The following LHFPL2 variants were observed in gnomAD, a reference collection of about 807,000 sequenced individuals.
LHFPL2 encodes LHFPL tetraspan subfamily member 2, also known as LHFPL tetraspan subfamily member 2 protein.
In LHFPL2, 7 loss-of-function variants were observed where a neutral mutation model predicts 17.5. That is an observed-to-expected ratio of 0.40 (90% CI 0.23 to 0.75). LHFPL2 has a LOEUF of 0.75. Ranked by LOEUF, LHFPL2 falls within the 30% of genes least tolerant of loss-of-function variation. The pLI is 0.37. For missense variants in LHFPL2, 241 were observed against 294.8 expected (o/e 0.82, Z 1.34); for synonymous variants, 134 against 116.2 (o/e 1.15, Z -0.99).
chr5:78,578,194 T>C (rs1182934092), intron 2 of LHFPL2, among the ~76,000 whole-genome samples: 1 of 152,222 alleles, frequency 6.6e-6, no homozygotes, highest in African/African-American at 2.4e-5. Flanking sequence ...TGTACTTCAC[T>C]TGCTTAGAGG....
chr5:78,501,330 C>T (rs1754766133), intron 4 of LHFPL2, among the ~76,000 whole-genome samples: 1 of 152,168 alleles, frequency 6.6e-6, no homozygotes, highest in Admixed American at 6.5e-5. Context: ...ACCACACTTA[C>T]TAAACTTCCT....
intron 2 of LHFPL2, among the ~76,000 whole-genome samples, chr5:78,581,161 T>C (rs1323106573): frequency 6.6e-6 from 1 of 152,220 alleles, no homozygotes; most frequent in Non-Finnish European, 1.5e-5. Context: ...CTGTTGTTGG[T>C]GTATAAGAAT....
intron 3 of LHFPL2, among the ~76,000 whole-genome samples, chr5:78,520,621 T>C (rs777937167): frequency 2.9e-4 from 44 of 152,258 alleles, no homozygotes; most frequent in Non-Finnish European, 5.0e-4. Context: ...CCGTGGCTGA[T>C]GGAGAGCTGA....
At chr5:78,489,302 C>G (rs1754359824) in intron 4 of LHFPL2, 149 bp from the exon 5 acceptor site, 1 of 780,360 alleles carries the variant, frequency 1.3e-6, no homozygotes, top group Non-Finnish European at 2.0e-6. Flanking sequence ...GCAAACTAAT[C>G]TGACCTGATC....
intron 3 of LHFPL2, among the ~76,000 whole-genome samples, chr5:78,524,812 T>C (rs1755570173): frequency 6.6e-6 from 1 of 152,190 alleles, no homozygotes; most frequent in South Asian, 2.1e-4. Flanking sequence ...CATGAAATGT[T>C]TTCTCTTTGG....
At chr5:78,560,563 T>C (rs886406401) in intron 3 of LHFPL2, among the ~76,000 whole-genome samples, 1 of 152,186 alleles carries the variant, frequency 6.6e-6, no homozygotes, top group Non-Finnish European at 1.5e-5. Flanking sequence ...ACTGGTTTCA[T>C]ATCCTAGGGA....
At chr5:78,539,631 A>C (rs1256043490) in intron 3 of LHFPL2, among the ~76,000 whole-genome samples, 4 of 151,780 alleles carry the variant, frequency 2.6e-5, no homozygotes, top group Admixed American at 2.6e-4. Flanking sequence ...GGACTTCCAA[A>C]CCCCCCACAC....
intron 3 of LHFPL2, among the ~76,000 whole-genome samples, chr5:78,555,675 G>A (rs1041728578): frequency 2.0e-5 from 3 of 152,238 alleles, no homozygotes; most frequent in Admixed American, 6.5e-5. Flanking sequence ...GGACACCAGG[G>A]GAAGACCCCA....
chr5:78,494,586 A>G, intron 4 of LHFPL2: 1 of 846,846 alleles, frequency 1.2e-6, no homozygotes, highest in South Asian at 5.4e-5. Flanking sequence ...GGACTGCCCA[A>G]CAGGTGCCAC....
At chr5:78,540,454 G>A (rs1381112974) in intron 3 of LHFPL2, among the ~76,000 whole-genome samples, 1 of 152,180 alleles carries the variant, frequency 6.6e-6, no homozygotes, top group East Asian at 1.9e-4. Flanking sequence ...GTCACTGATT[G>A]CAACAGGCCT....
At chr5:78,578,928 C>T (rs191269311) in intron 2 of LHFPL2, among the ~76,000 whole-genome samples, 40 of 152,290 alleles carry the variant, frequency 2.6e-4, no homozygotes, top group African/African-American at 8.7e-4. Flanking sequence ...AGACGCCAAC[C>T]AAGTCTTGCT....
chr5:78,544,386 G>C (rs1756205733), intron 3 of LHFPL2, among the ~76,000 whole-genome samples: 1 of 152,168 alleles, frequency 6.6e-6, no homozygotes, highest in Non-Finnish European at 1.5e-5. Context: ...ATTACAGGTA[G>C]CACATTTTGA....
At chr5:78,629,196 C>A (rs1745162258) in intron 2 of LHFPL2, among the ~76,000 whole-genome samples, 1 of 152,102 alleles carries the variant, frequency 6.6e-6, no homozygotes, top group Admixed American at 6.5e-5. Flanking sequence ...TGCTAAGGAA[C>A]AGGAAACAGT....
chr5:78,498,515 T>C (rs766588864), intron 4 of LHFPL2, among the ~76,000 whole-genome samples: 4 of 152,154 alleles, frequency 2.6e-5, no homozygotes, highest in African/African-American at 4.8e-5. Flanking sequence ...TAGGTGGAGA[T>C]ATTTTCTCTT....
intron 3 of LHFPL2, among the ~76,000 whole-genome samples, chr5:78,555,999 A>T (rs1448052166): frequency 6.6e-6 from 1 of 152,188 alleles, no homozygotes; most frequent in Non-Finnish European, 1.5e-5. Flanking sequence ...GGCAGAGTGG[A>T]ATCAAAAGTA....
At chr5:78,507,281 G>T (rs1561310842) in intron 4 of LHFPL2, among the ~76,000 whole-genome samples, 2 of 151,646 alleles carry the variant, frequency 1.3e-5, no homozygotes. Context: ...AGTGAGCCAA[G>T]TTCCTGCCAT....
intron 2 of LHFPL2, among the ~76,000 whole-genome samples, chr5:78,620,323 C>G (rs1162290170): frequency 2.0e-5 from 3 of 151,522 alleles, no homozygotes; most frequent in Non-Finnish European, 1.5e-5. Flanking sequence ...AGTGTCTGTT[C>G]ATGTCCTTCG....
intron 3 of LHFPL2, among the ~76,000 whole-genome samples, chr5:78,532,695 G>A (rs886278639): frequency 3.3e-5 from 5 of 151,488 alleles, no homozygotes; most frequent in East Asian, 3.9e-4. Flanking sequence ...AACCATCACC[G>A]TCATTTAAAT....
At chr5:78,616,245 A>G (rs1007547398) in intron 2 of LHFPL2, among the ~76,000 whole-genome samples, 10 of 151,344 alleles carry the variant, frequency 6.6e-5, no homozygotes, top group Non-Finnish European at 1.5e-4. Context: ...TTCTGCCTCA[A>G]CCTCCTGAGT....
Sources: allele counts gnomAD v4.1 joint callset (sites outside exome capture counted in the v4.1 genomes callset), GRCh38; gene constraint gnomAD v4.1.1; transcripts MANE v1.5; gene names NCBI Gene and HGNC (gene_info 2026-07-23, HGNC 2026-07-21).